DCAF8L2: variants seen among roughly 807,000 people sequenced by gnomAD.
The protein encoded by DCAF8L2 is DDB1 and CUL4 associated factor 8 like 2.
For missense variants in DCAF8L2, 430 were observed against 490.7 expected (o/e 0.88, Z 1.17); for synonymous variants, 200 against 190.9 (o/e 1.05, Z -0.39).
At chrX:27,734,163 A>G (rs1454125950) in intron 4 of DCAF8L2, among the ~76,000 whole-genome samples, 16 of 110,899 alleles carry the variant, frequency 1.4e-4, no homozygotes, top group South Asian at 3.8e-4. Flanking sequence ...TCTATTCAAC[A>G]TAGTACTGAA....
At chrX:27,682,698 A>G (rs942876021) in intron 3 of DCAF8L2, among the ~76,000 whole-genome samples, 2 of 110,879 alleles carry the variant, frequency 1.8e-5, no homozygotes, top group Non-Finnish European at 3.8e-5. Flanking sequence ...TGTTGGCAAA[A>G]TGAGTATTTT....
At chrX:27,740,673 T>G (rs1265557822) in intron 4 of DCAF8L2, among the ~76,000 whole-genome samples, 2 of 111,529 alleles carry the variant, frequency 1.8e-5, no homozygotes. Flanking sequence ...TAATTTGCAC[T>G]CAATATCACT....
intron 4 of DCAF8L2, among the ~76,000 whole-genome samples, chrX:27,724,400 T>C (rs1365764657): frequency 9.0e-6 from 1 of 110,877 alleles, no homozygotes; most frequent in African/African-American, 3.3e-5. Flanking sequence ...TTAATTATTG[T>C]CTCCACCTCT....
chrX:27,739,295 T>C (rs1323762655), intron 4 of DCAF8L2, among the ~76,000 whole-genome samples: 2 of 111,623 alleles, frequency 1.8e-5, no homozygotes, highest in East Asian at 5.6e-4. Flanking sequence ...AATAAGTCAC[T>C]GGTTACCTCC....
At chrX:27,638,437 C>T (rs1019486422) in intron 2 of DCAF8L2, among the ~76,000 whole-genome samples, 3 of 111,493 alleles carry the variant, frequency 2.7e-5, no homozygotes, top group Admixed American at 9.5e-5. Context: ...CCTTGGAAAC[C>T]GACACTTCCC....
At chrX:27,651,855 C>T (rs1447714641) in intron 2 of DCAF8L2, among the ~76,000 whole-genome samples, 1 of 110,360 alleles carries the variant, frequency 9.1e-6, no homozygotes, top group African/African-American at 3.3e-5. Context: ...GTATAACTTG[C>T]TCATTTCCTT....
chrX:27,528,072 T>A, the DCAF8L2 span, among the ~76,000 whole-genome samples: 3 of 81,997 alleles, frequency 3.7e-5, no homozygotes, highest in Admixed American at 4.0e-4. Context: ...ATTTTTAATT[T>A]AATTAAATTA....
chrX:27,522,279 G>T, the DCAF8L2 span, among the ~76,000 whole-genome samples: 2 of 111,788 alleles, frequency 1.8e-5, no homozygotes, highest in African/African-American at 6.5e-5. Context: ...CGCCTGCCTC[G>T]GCCTCCCAAA....
chrX:27,680,436 A>T (rs772723723), intron 3 of DCAF8L2, among the ~76,000 whole-genome samples: 2 of 112,324 alleles, frequency 1.8e-5, no homozygotes, highest in East Asian at 5.6e-4. Flanking sequence ...ACCAATAAAA[A>T]CACTCTGTAA....
At chrX:27,582,563 C>CT in the DCAF8L2 span, among the ~76,000 whole-genome samples, 2 of 111,408 alleles carry the variant, frequency 1.8e-5, no homozygotes, top group Non-Finnish European at 3.8e-5. Flanking sequence ...AAGTTATGCA[C>CT]TTTTGGCAAG....
chrX:27,736,657 T>C (rs1178290571), intron 4 of DCAF8L2, among the ~76,000 whole-genome samples: 1 of 112,095 alleles, frequency 8.9e-6, no homozygotes, highest in Non-Finnish European at 1.9e-5. Flanking sequence ...AATTATAAAA[T>C]GCAAATCCTA....
At chrX:27,684,007 A>G (rs896281598) in intron 3 of DCAF8L2, among the ~76,000 whole-genome samples, 13 of 112,746 alleles carry the variant, frequency 1.2e-4, no homozygotes, top group African/African-American at 4.2e-4. Context: ...ACCGCCGCCT[A>G]GTGGCAAGAC....
rs775254489 is a variant in DCAF8L2, at chrX:27,608,747, C to T, written c.-342+18307C>T. On this transcript the variant is annotated intron_variant, in intron 1 of 4. Coordinates refer to ENST00000451261, the MANE Select transcript of DCAF8L2 (RefSeq NM_001353450.2). The stretch of plus-strand genomic sequence containing the variant: ...TTGCAAATAAGACAGAAGAAGGTTC[C>T]TTCTCTGGCTAAGATTTATAAGTCC... Among the ~76,000 whole-genome samples, 12 of 109,327 alleles carry T rather than the reference C, an allele frequency of 1.1e-4. 1 individual carries two copies. The highest frequency in any genetic ancestry group is 2.7e-4 in the African/African-American group (8 of 29,939). 94.9% of individuals were successfully genotyped at this position (109,327 alleles called of 115,157 possible). A position where few individuals can be genotyped will look rare whatever the true frequency, so the allele number is the denominator to read the frequency against.
At chrX:27,514,647 C>T in the DCAF8L2 span, among the ~76,000 whole-genome samples, 4,632 of 74,783 alleles carry the variant, frequency 0.062, 449 homozygotes, top group African/African-American at 0.22. Flanking sequence ...CCAGCCTGGG[C>T]GACAGAGCGA....
At chrX:27,720,065 A>C (rs1355986809) in intron 4 of DCAF8L2, among the ~76,000 whole-genome samples, 1 of 107,914 alleles carries the variant, frequency 9.3e-6, no homozygotes, top group African/African-American at 3.6e-5. Flanking sequence ...TAAATTTTAT[A>C]TATGATTTTG....
intron 1 of DCAF8L2, among the ~76,000 whole-genome samples, chrX:27,592,944 GCC>G (rs1926185939): frequency 9.1e-6 from 1 of 109,677 alleles, no homozygotes; most frequent in African/African-American, 3.3e-5. Context: ...GATTACAGGT[GCC>G]CGCCACCACA....
chrX:27,711,279 G>A (rs1931519661), intron 3 of DCAF8L2, among the ~76,000 whole-genome samples: 1 of 109,918 alleles, frequency 9.1e-6, no homozygotes, highest in African/African-American at 3.3e-5. Flanking sequence ...TGTGTCTGGC[G>A]CATTTCACTT....
chrX:27,736,810 G>A (rs5926890), intron 4 of DCAF8L2, among the ~76,000 whole-genome samples: 32,823 of 108,979 alleles, frequency 0.3, 4,022 homozygotes, highest in Middle Eastern at 0.43. Context: ...GCTCTGCAGG[G>A]TCAAAATTAT....
intron 1 of DCAF8L2, among the ~76,000 whole-genome samples, chrX:27,610,502 A>G (rs1334635796): frequency 9.0e-6 from 1 of 111,520 alleles, no homozygotes. Context: ...AAAATCCACA[A>G]TGTACAGTGC....
Sources: allele counts gnomAD v4.1 joint callset (sites outside exome capture counted in the v4.1 genomes callset), GRCh38; gene constraint gnomAD v4.1.1; transcripts MANE v1.5; gene names NCBI Gene and HGNC (gene_info 2026-07-23, HGNC 2026-07-21).